COG5: variants seen among roughly 807,000 people sequenced by gnomAD.
COG5 encodes conserved oligomeric Golgi complex subunit 5.
In COG5, 86 loss-of-function variants were observed where a neutral mutation model predicts 110.4. The ratio of observed to expected loss-of-function variants is 0.78; its 90% CI spans 0.65 to 0.93. The LOEUF is 0.93. Ranked by LOEUF, COG5 falls within the 40% of genes least tolerant of loss-of-function variation. The pLI is 0.00. For synonymous variants in COG5, 360 were observed against 334.6 expected, an observed-to-expected ratio of 1.08 and a Z score of -0.83; for missense variants, 1,077 against 987.0, an observed-to-expected ratio of 1.09 and a Z score of -1.22.
Position 107,311,370 on chromosome 7 carries a change from A to AT in COG5, c.1109-13025dup, listed in dbSNP as rs71134260. Among the ~76,000 whole-genome samples, 256 of 58,950 alleles carry AT rather than the reference A, an allele frequency of 4.3e-3. 30 individuals carry two copies. Among genetic ancestry groups the AT allele is most frequent in the Non-Finnish European group, 6.0e-3 (196 of 32,844 alleles). 38.7% of individuals were successfully genotyped at this position (58,950 alleles called of 152,430 possible). A position where few individuals can be genotyped will look rare whatever the true frequency, so the allele number is the denominator to read the frequency against. On this transcript the variant is annotated intron_variant, in intron 11 of 21. Coordinates refer to ENST00000297135, the MANE Select transcript of COG5 (RefSeq NM_006348.5). ...TATAAGTGATATCGAGCGTATTTAC[A>AT]TTTTTTTTTTTTTTTTTTTTTTTTT...
intron 6 of COG5, among the ~76,000 whole-genome samples, chr7:107,518,341 C>A (rs1800088130): frequency 6.6e-6 from 1 of 151,812 alleles, no homozygotes; most frequent in African/African-American, 2.4e-5. Context: ...GCTAAATGTC[C>A]CAATTAAAAA....
chr7:107,375,276 AAAT>A (rs577623090), intron 7 of COG5, among the ~76,000 whole-genome samples: 125 of 152,164 alleles, frequency 8.2e-4, no homozygotes, highest in East Asian at 1.9e-3. Context: ...TACTGTTGAT[AAAT>A]AATAGGCTTA....
intron 10 of COG5, among the ~76,000 whole-genome samples, chr7:107,348,587 A>G (rs970968126): frequency 6.6e-6 from 1 of 152,118 alleles, no homozygotes; most frequent in African/African-American, 2.4e-5. Flanking sequence ...AGTTTTTCTT[A>G]TTGTCCTCTT....
intron 6 of COG5, among the ~76,000 whole-genome samples, chr7:107,434,497 A>G (rs1479619607): frequency 6.6e-6 from 1 of 152,204 alleles, no homozygotes; most frequent in East Asian, 1.9e-4. Flanking sequence ...CACTGCTTGG[A>G]CGATGAGTGC....
intron 6 of COG5, among the ~76,000 whole-genome samples, chr7:107,508,328 G>C (rs866686761): frequency 1.3e-5 from 2 of 152,228 alleles, no homozygotes; most frequent in Non-Finnish European, 2.9e-5. Flanking sequence ...AGCAAGGCTG[G>C]GGGAGGGGCG....
chr7:107,364,393 T>G (rs994938826), intron 8 of COG5, among the ~76,000 whole-genome samples: 2 of 152,192 alleles, frequency 1.3e-5, no homozygotes, highest in African/African-American at 4.8e-5. Context: ...GGAAATCAAC[T>G]TACATAAACA....
chr7:107,516,185 T>C (rs1799909808), intron 6 of COG5, among the ~76,000 whole-genome samples: 1 of 150,556 alleles, frequency 6.6e-6, no homozygotes, highest in Non-Finnish European at 1.5e-5. Context: ...TCTCTGACAA[T>C]AAGATAATAG....
chr7:107,275,672 C>T (rs1017017231), intron 14 of COG5, among the ~76,000 whole-genome samples: 3 of 151,760 alleles, frequency 2.0e-5, no homozygotes, highest in Non-Finnish European at 2.9e-5. Flanking sequence ...TCTCCTGGCG[C>T]GCCACCACAC....
chr7:107,322,448 T>C (rs1335055638), intron 11 of COG5, among the ~76,000 whole-genome samples: 1 of 152,174 alleles, frequency 6.6e-6, no homozygotes, highest in Non-Finnish European at 1.5e-5. Context: ...TTGCCCAGTC[T>C]GTGGTATTTT....
chr7:107,507,334 C>A (rs1267209618), intron 6 of COG5, among the ~76,000 whole-genome samples: 1 of 150,066 alleles, frequency 6.7e-6, no homozygotes, highest in African/African-American at 2.5e-5. Context: ...CTCGCTGTCA[C>A]CCAGGCTGGA....
At chr7:107,331,542 C>A (rs887231642) in intron 10 of COG5, among the ~76,000 whole-genome samples, 2 of 151,990 alleles carry the variant, frequency 1.3e-5, no homozygotes, top group African/African-American at 4.8e-5. Context: ...ATCAAGTCTA[C>A]AGGCAAAAAG....
intron 6 of COG5, among the ~76,000 whole-genome samples, chr7:107,455,926 TG>T (rs1795640068): frequency 6.6e-6 from 1 of 152,068 alleles, no homozygotes; most frequent in African/African-American, 2.4e-5. Flanking sequence ...CCCAAGCAGC[TG>T]GGACTACAGA....
chr7:107,475,080 C>T (rs1796889417), intron 6 of COG5: 2 of 1,612,808 alleles, frequency 1.2e-6, no homozygotes. Flanking sequence ...TATGTTTAGG[C>T]CCAAGTGACC....
Position 107,372,774 on chromosome 7 carries a change from G to T in COG5, c.670-14C>A. The T allele has an allele frequency of 6.2e-7, 1 of 1,612,700 alleles. No individual in the cohort carries two copies. Among genetic ancestry groups the T allele is most frequent in the Non-Finnish European group, 8.5e-7 (1 of 1,179,250 alleles). The stretch of plus-strand genomic sequence containing the variant: ...TTGAGTTGGATTCTTAAAAAAAGGT[G>T]GGGTGGGGTGGAAACAGATATAAAT... On this transcript the variant is annotated splice_polypyrimidine_tract_variant and intron_variant, in intron 7 of 21. Coordinates refer to ENST00000297135, the MANE Select transcript of COG5 (RefSeq NM_006348.5).
chr7:107,414,703 C>CTTTTTTTTTTTTTTTTT (rs530323655), intron 6 of COG5, among the ~76,000 whole-genome samples: 5 of 61,714 alleles, frequency 8.1e-5, no homozygotes, highest in Non-Finnish European at 1.5e-4. Flanking sequence ...CTCACTGTCC[C>CTTTTTTTTTTTTTTTTT]TTTTTTTTTT....
At chr7:107,428,008 G>A (rs1793767015) in intron 6 of COG5, among the ~76,000 whole-genome samples, 1 of 152,044 alleles carries the variant, frequency 6.6e-6, no homozygotes, top group Non-Finnish European at 1.5e-5. Context: ...TGGTTTGTGA[G>A]TATGCAAAAA....
chr7:107,353,208 A>C (rs1019573508), intron 10 of COG5, among the ~76,000 whole-genome samples: 2 of 151,982 alleles, frequency 1.3e-5, no homozygotes, highest in African/African-American at 4.8e-5. Flanking sequence ...GGCGGATCAC[A>C]AGGTCAGGAG....
chr7:107,534,891 T>C (rs796409361), intron 5 of COG5, among the ~76,000 whole-genome samples: 4 of 151,744 alleles, frequency 2.6e-5, no homozygotes, highest in African/African-American at 9.7e-5. Flanking sequence ...ACACAGCACT[T>C]ATTCTAAAAT....
chr7:107,384,614 A>T (rs1815415553), intron 7 of COG5, among the ~76,000 whole-genome samples: 1 of 152,300 alleles, frequency 6.6e-6, no homozygotes, highest in South Asian at 2.1e-4. Context: ...CCCCATCGTT[A>T]GCTGAACTAA....
Sources: gnomAD v4.1 joint callset for allele counts (sites outside exome capture counted in the v4.1 genomes callset) on GRCh38, gnomAD v4.1.1 for gene constraint, MANE v1.5 for transcripts, NCBI Gene and HGNC (gene_info 2026-07-23, HGNC 2026-07-21) for gene names.